Variants in ATP1B2 observed in about 807,000 individuals in gnomAD.
The protein encoded by ATP1B2 is ATPase Na+/K+ transporting subunit beta 2.
ATP1B2 carries 12 observed loss-of-function variants against 37.3 expected under a neutral mutation model. That is an observed-to-expected ratio of 0.32 (90% CI 0.21 to 0.52). The LOEUF (loss-of-function observed/expected upper bound fraction) is 0.52, where lower values mean the gene tolerates loss of function less well. Among genes scored for constraint, ATP1B2 ranks in the 20% least tolerant of loss-of-function variants. ATP1B2 has a pLI of 0.96. For synonymous variants in ATP1B2, 139 were observed against 140.5 expected, an observed-to-expected ratio of 0.99 and a Z score of 0.07; for missense variants, 324 against 391.6, an observed-to-expected ratio of 0.83 and a Z score of 1.46.
Position 7,655,508 on chromosome 17 carries a change from T to A in ATP1B2, c.610-19T>A. 6.2e-7 allele frequency: 1 copy of A among 1,613,866 alleles called. No individual in the cohort carries two copies. The highest frequency in any genetic ancestry group is 1.7e-5 in the Admixed American group (1 of 59,996). On this transcript the variant is annotated intron_variant, in intron 5 of 6. Coordinates refer to ENST00000250111, the MANE Select transcript of ATP1B2 (RefSeq NM_001678.5). The surrounding 1 kb of genome is among the most constrained non-coding windows in gnomAD (Gnocchi z 4.4). ...CCATCCCTAACTGGCTCACCCCCTA[T>A]CTTCCTGCACCCCCACAGCGAGATG...
At position 7,651,384 on chromosome 17, in the gene ATP1B2, A is replaced by T; in HGVS notation, c.-135A>T. 1.4e-6 allele frequency: 1 copy of T among 738,086 alleles called. No homozygotes were observed. Among genetic ancestry groups the T allele is most frequent in the Non-Finnish European group, 2.3e-6 (1 of 441,504 alleles). The allele number at this position is 738,086 out of a possible 1,614,324, so 45.7% of individuals were successfully genotyped here. A position where few individuals can be genotyped will look rare whatever the true frequency, so the allele number is the denominator to read the frequency against. On this transcript the variant is annotated 5_prime_UTR_variant, in exon 1 of 7. Transcript: ENST00000250111. ...ACCCCGGAATCTGCAGCAGCTGCAT[A>T]TCTGAGGGGGGTCTCCTTTGCCCGC...
Position 7,651,326 on chromosome 17 carries a change from G to T in ATP1B2, c.-193G>T, listed in dbSNP as rs2072610635. 6.8e-6 allele frequency: 4 copies of T among 585,998 alleles called. No individual in the cohort carries two copies. The highest frequency in any genetic ancestry group is 3.9e-5 in the South Asian group (2 of 51,448). 36.3% of individuals were successfully genotyped at this position (585,998 alleles called of 1,614,324 possible). ...GCCTAGGATCGGTGCATCTTCCGCC[G>T]CGCTGCCAGCACCCCGCAGCGCGTG... On this transcript the variant is annotated 5_prime_UTR_variant, in exon 1 of 7. Coordinates refer to ENST00000250111, the MANE Select transcript of ATP1B2 (RefSeq NM_001678.5).
Position 7,654,490 on chromosome 17 carries a change from G to T in ATP1B2, c.553-138G>T. The T allele has an allele frequency of 9.4e-7, 1 of 1,063,358 alleles. No homozygotes were observed. Among genetic ancestry groups the T allele is most frequent in the South Asian group, 1.4e-5 (1 of 71,918 alleles). The allele number at this position is 1,063,358 out of a possible 1,614,324, so 65.9% of individuals were successfully genotyped here. A position where few individuals can be genotyped will look rare whatever the true frequency, so the allele number is the denominator to read the frequency against. On this transcript the variant is annotated intron_variant, in intron 4 of 6. Transcript: ENST00000250111. The surrounding 1 kb of genome is among the most constrained non-coding windows in gnomAD (Gnocchi z 4.9). The stretch of plus-strand genomic sequence containing the variant: ...TTGCTATGTTGCCCAGGCTGGCCTT[G>T]AACTCCTGGAATTAAGCTATCCTCC...
upstream of ATP1B2, among the ~76,000 whole-genome samples, chr17:7,648,096 C>T (rs544149738): frequency 1.3e-4 from 19 of 151,974 alleles, no homozygotes; most frequent in African/African-American, 1.7e-4. Context: ...AAAAATTAGC[C>T]GGGCATGGTG....
chr17:7,655,223 G>T lies in ATP1B2; in HGVS notation c.610-304G>T. 9 of 450,118 alleles carry T rather than the reference G, an allele frequency of 2.0e-5. No individual in the cohort carries two copies. Among genetic ancestry groups the T allele is most frequent in the South Asian group, 6.2e-5 (2 of 32,470 alleles). The allele number at this position is 450,118 out of a possible 1,614,324, so 27.9% of individuals were successfully genotyped here. On this transcript the variant is annotated intron_variant, in intron 5 of 6. Coordinates refer to ENST00000250111, the MANE Select transcript of ATP1B2 (RefSeq NM_001678.5). This position sits in a 1 kb window ranked among gnomAD's most constrained non-coding sequence, Gnocchi z 4.4. ...CTTAATCATGTATCTCTTCTTTCTT[G>T]GCTCTGCTCCAGAAACTGATTCCTG...
chr17:7,654,040 C>A lies in ATP1B2; in HGVS notation c.347-12C>A. ...CATCTGGCCCCTGAGTCTCTCCCTC[C>A]CACCTCTTTAGCTTACAACGACTCT... On this transcript the variant is annotated splice_polypyrimidine_tract_variant and intron_variant, in intron 3 of 6. Transcript: ENST00000250111. This position sits in a 1 kb window ranked among gnomAD's most constrained non-coding sequence, Gnocchi z 4.9. The A allele has an allele frequency of 1.2e-6, 2 of 1,614,096 alleles. No individual in the cohort carries two copies. The highest frequency in any genetic ancestry group is 1.7e-6 in the Non-Finnish European group (2 of 1,179,950).
intron 1 of ATP1B2, among the ~76,000 whole-genome samples, chr17:7,652,174 ATGAGTTTTACCGAGGC>A (rs928110070): frequency 3.3e-5 from 5 of 151,912 alleles, no homozygotes; most frequent in Non-Finnish European, 5.9e-5. Flanking sequence ...TGCTGATAGT[ATGAGTTTTACCGAGGC>A]TGCAGGTTTT....
chr17:7,655,866 G>T lies in ATP1B2; in HGVS notation c.844G>T (p.Ala282Ser). Residue 282 changes from alanine to serine, a missense_variant, in exon 7 of 7, where the codon GCC (alanine) becomes TCC (serine). Ala to Ser is a moderately conservative substitution (Grantham distance 99). Transcript: ENST00000250111. The surrounding 1 kb of genome is among the most constrained non-coding windows in gnomAD (Gnocchi z 4.4). ...DERDKFAGRV[A>S]FKLRINKT ...GCGAGACAAGTTCGCCGGCCGCGTG[G>T]CCTTCAAACTCCGCATCAACAAAAC... The T allele has an allele frequency of 6.2e-7, 1 of 1,614,114 alleles. No individual in the cohort carries two copies. Among genetic ancestry groups the T allele is most frequent in the African/African-American group, 1.3e-5 (1 of 75,028 alleles).
At position 7,654,739 on chromosome 17, in the gene ATP1B2, C is replaced by T; in HGVS notation, c.609+55C>T. 2 of 1,577,548 alleles carry T rather than the reference C, an allele frequency of 1.3e-6. No individual in the cohort carries two copies. Among genetic ancestry groups the T allele is most frequent in the Admixed American group, 1.7e-5 (1 of 59,930 alleles). ...CACCTGAGTGGCTCACCTGAGTGTC[C>T]TTCATGGTTTCTGTGTAATTCACCT... On this transcript the variant is annotated intron_variant, in intron 5 of 6. Coordinates refer to ENST00000250111, the MANE Select transcript of ATP1B2 (RefSeq NM_001678.5). The surrounding 1 kb of genome is among the most constrained non-coding windows in gnomAD (Gnocchi z 4.9).
At position 7,655,923 on chromosome 17, in the gene ATP1B2, C is replaced by A. The variant is rs201610113; in HGVS notation, c.*28C>A. The A allele has an allele frequency of 3.3e-4, 534 of 1,611,996 alleles. No homozygotes were observed. The highest frequency in any genetic ancestry group is 1.7e-3 in the Middle Eastern group (10 of 6,002). Reference sequence around the variant, plus strand: ...CCCCTTCCTCCCACCCCATCTCTCTCCTGTGGATGCTCCTGGAATGTCCCT... The same window carrying A: ...CCCCTTCCTCCCACCCCATCTCTCTACTGTGGATGCTCCTGGAATGTCCCT... On this transcript the variant is annotated 3_prime_UTR_variant, in exon 7 of 7. Coordinates refer to ENST00000250111, the MANE Select transcript of ATP1B2 (RefSeq NM_001678.5). The surrounding 1 kb of genome is among the most constrained non-coding windows in gnomAD (Gnocchi z 4.4).
rs1344865800 is a variant in ATP1B2 at position 7,656,584 on chromosome 17, A to T, written c.*689A>T. The stretch of plus-strand genomic sequence containing the variant: ...CCTCTGGTGACTCTGTGAGCTGGGA[A>T]ATGAGGGACTGGAAGTGAGGCCTGT... On this transcript the variant is annotated 3_prime_UTR_variant, in exon 7 of 7. Transcript: ENST00000250111. The T allele has an allele frequency of 6.6e-6, 1 of 152,548 alleles. No homozygotes were observed. The highest frequency in any genetic ancestry group is 1.9e-4 in the East Asian group (1 of 5,190). The allele number at this position is 152,548 out of a possible 1,614,324, so 9.4% of individuals were successfully genotyped here. A position where few individuals can be genotyped will look rare whatever the true frequency, so the allele number is the denominator to read the frequency against.
In ATP1B2 at chr17:7,655,211, C is replaced by G. The variant is rs1215145048; in HGVS notation, c.610-316C>G. On this transcript the variant is annotated intron_variant, in intron 5 of 6. Transcript: ENST00000250111. This position sits in a 1 kb window ranked among gnomAD's most constrained non-coding sequence, Gnocchi z 4.4. The stretch of plus-strand genomic sequence containing the variant: ...TCCTATTCAACCCTTAATCATGTAT[C>G]TCTTCTTTCTTGGCTCTGCTCCAGA... 4.5e-6 allele frequency: 2 copies of G among 440,856 alleles called. No homozygotes were observed. The highest frequency in any genetic ancestry group is 8.2e-6 in the Non-Finnish European group (2 of 244,780). 27.3% of individuals were successfully genotyped at this position (440,856 alleles called of 1,614,324 possible).
In ATP1B2 at chr17:7,655,711, G is replaced by C. The variant is rs780137295; in HGVS notation, c.709-20G>C. 1 of 1,614,000 alleles carries C rather than the reference G, an allele frequency of 6.2e-7. No individual in the cohort carries two copies. Among genetic ancestry groups the C allele is most frequent in the East Asian group, 2.2e-5 (1 of 44,880 alleles). On this transcript the variant is annotated intron_variant, in intron 6 of 6. Coordinates refer to ENST00000250111, the MANE Select transcript of ATP1B2 (RefSeq NM_001678.5). This position sits in a 1 kb window ranked among gnomAD's most constrained non-coding sequence, Gnocchi z 4.4. ...CCGCGTTGCCCCAGGCCTAGACCCTGCACTGCTCCTCCGGCCCAGGTGAAC... is the reference window on the plus strand; with the variant it reads ...CCGCGTTGCCCCAGGCCTAGACCCTCCACTGCTCCTCCGGCCCAGGTGAAC...
At chr17:7,649,521 G>T (rs912690155), upstream of ATP1B2, among the ~76,000 whole-genome samples, 12 of 151,722 alleles carry the variant, frequency 7.9e-5, no homozygotes, top group African/African-American at 2.9e-4. Context: ...CTGAGTAGCT[G>T]GGACTACAGG....
At chr17:7,650,118 A>G (rs1045326110), upstream of ATP1B2, among the ~76,000 whole-genome samples, 1 of 152,224 alleles carries the variant, frequency 6.6e-6, no homozygotes, top group Admixed American at 6.5e-5. Context: ...CACACAGTCT[A>G]TAGAGGTGCT....
chr17:7,648,995 T>C (rs2072592402), upstream of ATP1B2, among the ~76,000 whole-genome samples: 1 of 152,226 alleles, frequency 6.6e-6, no homozygotes, highest in South Asian at 2.1e-4. Context: ...TCCTTTGTCC[T>C]GGAAGACTAC....
chr17:7,654,761 A>T lies in ATP1B2; in HGVS notation c.609+77A>T. On this transcript the variant is annotated intron_variant, in intron 5 of 6. Transcript: ENST00000250111. This position sits in a 1 kb window ranked among gnomAD's most constrained non-coding sequence, Gnocchi z 4.9. ...GTCCTTCATGGTTTCTGTGTAATTC[A>T]CCTGTCTCTCCCTATCTTCTTTGCT... The T allele has an allele frequency of 6.6e-7, 1 of 1,516,290 alleles. No individual in the cohort carries two copies. The highest frequency in any genetic ancestry group is 9.2e-7 in the Non-Finnish European group (1 of 1,091,786). The allele number at this position is 1,516,290 out of a possible 1,614,324, so 93.9% of individuals were successfully genotyped here. A position where few individuals can be genotyped will look rare whatever the true frequency, so the allele number is the denominator to read the frequency against.
upstream of ATP1B2, among the ~76,000 whole-genome samples, chr17:7,648,904 C>T (rs73246855): frequency 0.023 from 3,511 of 152,210 alleles, 141 homozygotes; most frequent in African/African-American, 0.08. Flanking sequence ...TAGTCTCCGA[C>T]TAGTTCTCTC....
upstream of ATP1B2, among the ~76,000 whole-genome samples, chr17:7,650,222 G>T (rs550881053): frequency 4.6e-5 from 7 of 152,234 alleles, no homozygotes; most frequent in Admixed American, 3.3e-4. Flanking sequence ...AAGTAGACCT[G>T]GCTGCAGGGC....
Sources: allele counts gnomAD v4.1 joint callset (sites outside exome capture counted in the v4.1 genomes callset), GRCh38; gene constraint gnomAD v4.1.1; non-coding constraint Gnocchi (gnomAD v3.1); transcripts MANE v1.5; gene names NCBI Gene and HGNC (gene_info 2026-07-23, HGNC 2026-07-21).